Variants in NEDD4 observed in about 807,000 individuals in gnomAD.
NEDD4 encodes NEDD4 E3 ubiquitin protein ligase.
Under a neutral mutation model 144.9 loss-of-function variants are expected in NEDD4, and 99 were observed. The ratio of observed to expected loss-of-function variants is 0.68; its 90% confidence interval spans 0.58 to 0.81. The LOEUF (loss-of-function observed/expected upper bound fraction) is 0.81, where lower values mean the gene tolerates loss of function less well. Ranked by LOEUF, NEDD4 falls within the 30% of genes least tolerant of loss-of-function variation. The pLI is 0.00. For missense variants in NEDD4, 985 were observed against 1,065.9 expected (o/e 0.92, Z 1.06); for synonymous variants, 318 against 350.6 (o/e 0.91, Z 1.04).
intron 5 of NEDD4, among the ~76,000 whole-genome samples, chr15:55,903,267 TAGG>T (rs2035969235): frequency 6.6e-6 from 1 of 152,190 alleles, no homozygotes; most frequent in Admixed American, 6.5e-5. Flanking sequence ...CTTTATCCTG[TAGG>T]ATTCTCCCAG....
intron 4 of NEDD4, among the ~76,000 whole-genome samples, chr15:55,929,231 C>T (rs2036734471): frequency 6.6e-6 from 1 of 152,196 alleles, no homozygotes; most frequent in African/African-American, 2.4e-5. Flanking sequence ...TACACACATG[C>T]ACGAGCACGC....
chr15:55,854,312 T>C (rs2034109253), intron 12 of NEDD4, among the ~76,000 whole-genome samples: 2 of 152,184 alleles, frequency 1.3e-5, no homozygotes, highest in South Asian at 4.1e-4. Flanking sequence ...ACGGGAGTCC[T>C]ACGTACTTTG....
intron 1 of NEDD4, among the ~76,000 whole-genome samples, chr15:55,979,151 A>G (rs781501486): frequency 4.0e-5 from 6 of 151,726 alleles, no homozygotes; most frequent in South Asian, 2.1e-4. Context: ...TTAAAATCCT[A>G]TATCATCTAG....
At chr15:55,863,281 A>AT (rs1488108912) in intron 8 of NEDD4, among the ~76,000 whole-genome samples, 15 of 152,202 alleles carry the variant, frequency 9.9e-5, no homozygotes, top group Non-Finnish European at 1.9e-4. Flanking sequence ...AATGATAACC[A>AT]TTTAAATTTT....
chr15:55,857,089 A>G (rs1324777857), intron 11 of NEDD4, among the ~76,000 whole-genome samples: 2 of 152,252 alleles, frequency 1.3e-5, no homozygotes, highest in East Asian at 3.8e-4. Flanking sequence ...TCTAAGAGAC[A>G]GCAAGTGAAA....
At chr15:55,872,537 A>T in intron 6 of NEDD4, 61 bp from the exon 7 acceptor site, 1 of 716,174 alleles carries the variant, frequency 1.4e-6, no homozygotes, top group Non-Finnish European at 2.1e-6. Context: ...GTACTTTTCA[A>T]GAATACTCAT....
intron 4 of NEDD4, among the ~76,000 whole-genome samples, chr15:55,930,102 G>C (rs540143685): frequency 2.0e-5 from 3 of 152,084 alleles, no homozygotes; most frequent in Non-Finnish European, 2.9e-5. Flanking sequence ...AAAGAGGCTG[G>C]GCAAATTATG....
chr15:55,836,061 T>C (rs2033178964), intron 24 of NEDD4, among the ~76,000 whole-genome samples: 1 of 152,084 alleles, frequency 6.6e-6, no homozygotes, highest in African/African-American at 2.4e-5. Flanking sequence ...CAGCCTACCT[T>C]ATTGCCAGAC....
In NEDD4 at chr15:55,856,203, A is replaced by G; in HGVS notation, c.961-7T>C. On this transcript the variant is annotated splice_polypyrimidine_tract_variant and splice_region_variant and intron_variant, in intron 11 of 28. Transcript: ENST00000435532. The stretch of plus-strand genomic sequence containing the variant: ...CTCTTCTGCTGGAATGATTCTTGTG[A>G]AAAAACAAGACAACAGAAGAATACC... The G allele has an allele frequency of 1.2e-6, 2 of 1,609,770 alleles. No individual in the cohort carries two copies. Among genetic ancestry groups the G allele is most frequent in the Non-Finnish European group, 1.7e-6 (2 of 1,178,364 alleles).
intron 5 of NEDD4, among the ~76,000 whole-genome samples, chr15:55,884,514 A>G (rs1221140361): frequency 6.6e-6 from 1 of 152,186 alleles, no homozygotes; most frequent in Non-Finnish European, 1.5e-5. Flanking sequence ...GAGAATTCAA[A>G]AGAGTTGTTT....
chr15:55,853,735 T>A (rs547518205), intron 12 of NEDD4, among the ~76,000 whole-genome samples: 1 of 152,320 alleles, frequency 6.6e-6, no homozygotes, highest in South Asian at 2.1e-4. Context: ...ACCCCTGTAA[T>A]CCCAGCACTT....
At chr15:55,932,740 G>A (rs1362052236) in intron 4 of NEDD4, among the ~76,000 whole-genome samples, 3 of 151,918 alleles carry the variant, frequency 2.0e-5, no homozygotes, top group Admixed American at 6.6e-5. Flanking sequence ...GCAACCTACA[G>A]AATGGGAGAA....
intron 5 of NEDD4, among the ~76,000 whole-genome samples, chr15:55,905,868 T>C (rs1210339326): frequency 1.3e-5 from 2 of 152,224 alleles, no homozygotes; most frequent in African/African-American, 4.8e-5. Flanking sequence ...GCAGAAGCTC[T>C]TTAGTTTAAT....
chr15:55,837,151 C>T (rs1279494454), intron 24 of NEDD4, among the ~76,000 whole-genome samples: 2 of 151,992 alleles, frequency 1.3e-5, no homozygotes, highest in Non-Finnish European at 2.9e-5. Context: ...GAAAGTAGGC[C>T]GAGCACGGTG....
At chr15:55,861,840 G>A (rs1176129832) in intron 9 of NEDD4, among the ~76,000 whole-genome samples, 1 of 152,042 alleles carries the variant, frequency 6.6e-6, no homozygotes, top group African/African-American at 2.4e-5. Flanking sequence ...ATGAGCTCAG[G>A]CTAGTCAGAA....
At chr15:55,932,657 A>AT (rs1195082196) in intron 4 of NEDD4, among the ~76,000 whole-genome samples, 1 of 152,236 alleles carries the variant, frequency 6.6e-6, no homozygotes, top group Non-Finnish European at 1.5e-5. Context: ...ACAAAAGCCA[A>AT]AATTGACAAA....
In NEDD4 at chr15:55,946,425, G is replaced by A. The variant is rs543592607; in HGVS notation, c.237+4951C>T. ...GAGACAAAGAAAGCCATTACATAATGGTAAAGGGATCAATTCAACAAGAAG... is the reference window on the plus strand; with the variant it reads ...GAGACAAAGAAAGCCATTACATAATAGTAAAGGGATCAATTCAACAAGAAG... On this transcript the variant is annotated intron_variant, in intron 4 of 28. Coordinates refer to ENST00000435532, the MANE Select transcript of NEDD4 (RefSeq NM_006154.4). 2.0e-5 allele frequency among the ~76,000 whole-genome samples: 3 copies of A among 152,212 alleles called. No homozygotes were observed. In the South Asian group the frequency reaches 6.2e-4, roughly 32 times the overall value.
At chr15:55,973,857 A>G (rs2037655882) in intron 1 of NEDD4, among the ~76,000 whole-genome samples, 1 of 151,734 alleles carries the variant, frequency 6.6e-6, no homozygotes. Context: ...CAACCTAGCT[A>G]TGCATCTTAA....
At chr15:55,903,560 C>T (rs1270417544) in intron 5 of NEDD4, among the ~76,000 whole-genome samples, 2 of 152,136 alleles carry the variant, frequency 1.3e-5, no homozygotes, top group African/African-American at 2.4e-5. Context: ...CAAGGTGGCT[C>T]ACGCCTGTAA....
Sources: allele counts gnomAD v4.1 joint callset (sites outside exome capture counted in the v4.1 genomes callset), GRCh38; gene constraint gnomAD v4.1.1; transcripts MANE v1.5; gene names NCBI Gene and HGNC (gene_info 2026-07-23, HGNC 2026-07-21).